The following TTN variants were observed in gnomAD, a reference collection of about 807,000 sequenced individuals.
The protein encoded by TTN is connectin.
A neutral mutation model predicts 3,223.0 loss-of-function variants in TTN; 1,525 were observed. The ratio of observed to expected loss-of-function variants is 0.47; its 90% confidence interval spans 0.45 to 0.49. The LOEUF (loss-of-function observed/expected upper bound fraction) is 0.49, where lower values mean the gene tolerates loss of function less well. TTN is among the 20% of genes least tolerant of loss of function. The probability of loss-of-function intolerance (pLI) is 0.00; values close to 1 mark genes in which losing one functional copy is unlikely to be tolerated. For missense variants in TTN, 40,786 were observed against 43,424.0 expected, an observed-to-expected ratio of 0.94 and a Z score of 5.40; for synonymous variants, 14,094 against 15,161.0, an observed-to-expected ratio of 0.93 and a Z score of 5.17.
At chr2:178,639,225 T>C (rs181790635) in intron 223 of TTN, among the ~76,000 whole-genome samples, 50 of 152,164 alleles carry the variant, frequency 3.3e-4, no homozygotes, top group Admixed American at 2.4e-3. Context: ...TCAATTCAGT[T>C]GCATGAAATA....
chr2:178,750,477 C>T (rs571048846), intron 47 of TTN: 1 of 1,612,894 alleles, frequency 6.2e-7, no homozygotes. Context: ...TACCACGTCA[C>T]TATAGGTTGA....
rs780085042 is a variant in TTN, at chr2:178,772,726, A to G, written c.7855+383T>C. Among the ~76,000 whole-genome samples the G allele has an allele frequency of 1.3e-5, 2 of 152,226 alleles. 1 individual carries two copies. The highest frequency in any genetic ancestry group is 2.9e-5 in the Non-Finnish European group (2 of 68,038). Reference sequence around the variant, plus strand: ...ATTGATTATCTGTCATTTGCAATATATTGGAATATACAAATAGAATTCCAG... The same window carrying G: ...ATTGATTATCTGTCATTTGCAATATGTTGGAATATACAAATAGAATTCCAG... On this transcript the variant is annotated intron_variant, in intron 33 of 362. Coordinates refer to ENST00000589042, the MANE Select transcript of TTN (RefSeq NM_001267550.2).
Position 178,531,620 on chromosome 2 carries a change from G to A in TTN, c.104995C>T (p.Leu34999=), listed in dbSNP as rs727503532. ...HYTNTSGVLT[L]EILDCHTDDS... ...TCAGTATGACAGTCCAGAATTTCCA[G>A]GGTGAGGACTCCACTCGTGTTGGTG... Residue 34999 remains leucine (L), a synonymous_variant, in exon 358 of 363, where the codon CTG becomes TTG. Transcript: ENST00000589042. 2.0e-5 allele frequency: 32 copies of A among 1,613,870 alleles called. No homozygotes were observed. The highest frequency in any genetic ancestry group is 2.5e-5 in the Non-Finnish European group (29 of 1,179,890).
intron 296 of TTN, 24 bp downstream of exon 296, chr2:178,594,320 G>A (rs765612751): frequency 5.0e-6 from 8 of 1,589,736 alleles, no homozygotes; most frequent in Non-Finnish European, 6.8e-6. Flanking sequence ...AGTTTCAGAA[G>A]TATAAATTGT....
At position 178,602,016 on chromosome 2, in the gene TTN, T is replaced by C. The variant is rs756145817; in HGVS notation, c.55255A>G (p.Lys18419Glu). The C allele has an allele frequency of 1.2e-6, 2 of 1,612,870 alleles. No individual in the cohort carries two copies. The highest frequency in any genetic ancestry group is 1.3e-5 in the African/African-American group (1 of 74,980). ...KSSWEFDGKA[K>E]KAMKDGVHDI... ...TATTTTCCTACCTTCATTGCTTTCT[T>C]TGCCTTTCCATCAAATTCCCAAGAT... Residue 18419 changes from lysine (K) to glutamate (E), a missense_variant, in exon 284 of 363, where the codon AAG (lysine) becomes GAG (glutamate). Lys to Glu is a moderately conservative substitution (Grantham distance 56). Transcript: ENST00000589042.
In TTN at chr2:178,727,341, G is replaced by A. The variant is rs778363589; in HGVS notation, c.20024C>T (p.Ala6675Val). The A allele has an allele frequency of 6.2e-7, 1 of 1,603,538 alleles. No homozygotes were observed. The highest frequency in any genetic ancestry group is 1.7e-5 in the Admixed American group (1 of 58,650). ...EPPKFVKKLEASKIVKAGDSS... is the reference protein window; with the variant it reads ...EPPKFVKKLEVSKIVKAGDSS... ...GTCACCTGCTTTCACAATTTTGGAG[G>A]CTTCTAATTTCTTTACAAACTTTGG... Residue 6675 changes from alanine (A) to valine (V), a missense_variant, in exon 69 of 363, where the codon GCC becomes GTC. Physicochemically the swap from Ala to Val is moderately conservative, Grantham distance 64. Transcript: ENST00000589042.
At position 178,548,045 on chromosome 2, in the gene TTN, T is replaced by C. The variant is rs543223589; in HGVS notation, c.93581A>G (p.Tyr31194Cys). 33 of 1,613,888 alleles carry C rather than the reference T, an allele frequency of 2.0e-5. No homozygotes were observed. Among genetic ancestry groups the C allele is most frequent in the Admixed American group, 1.8e-4 (11 of 59,998 alleles). The change falls in exon 339 of 363, where the codon TAT becomes TGT. Residue 31194 changes from tyrosine to cysteine, a missense_variant. Tyr to Cys is a radical substitution (Grantham distance 194). Coordinates refer to ENST00000589042, the MANE Select transcript of TTN (RefSeq NM_001267550.2). This position sits in a 1 kb window ranked among gnomAD's most constrained non-coding sequence, Gnocchi z 4.3. ...FRVKAKNDAG[Y>C]SEPREAFSSV... ...AGAGAAGGCTTCTCTGGGTTCACTATAGCCAGCATCATTCTTGGCCTTCAC... is the reference window on the plus strand; with the variant it reads ...AGAGAAGGCTTCTCTGGGTTCACTACAGCCAGCATCATTCTTGGCCTTCAC...
chr2:178,726,943 A>T (rs1008954851), intron 69 of TTN, 147 bp downstream of exon 69: 2 of 810,042 alleles, frequency 2.5e-6, no homozygotes, highest in African/African-American at 3.5e-5. Context: ...GAAGGAAACC[A>T]TCTAAAAAGG....
In TTN at chr2:178,799,614, A is replaced by C; in HGVS notation, c.787T>G (p.Ser263Ala). The C allele has an allele frequency of 6.2e-7, 1 of 1,614,080 alleles. No homozygotes were observed. The highest frequency in any genetic ancestry group is 8.5e-7 in the Non-Finnish European group (1 of 1,180,006). The change falls in exon 6 of 363, where the codon TCA (serine) becomes GCA (alanine). Residue 263 changes from serine to alanine, a missense_variant. Ser to Ala is a moderately conservative substitution (Grantham distance 99, BLOSUM62 1). Transcript: ENST00000589042. ...TPPRIPPKPK[S>A]RSPTPPSIAA... The stretch of plus-strand genomic sequence containing the variant: ...ATAGACGGTGGTGTTGGGGATCTTG[A>C]CTTTGGCTTCGGAGGAATCCTGGGA...
chr2:178,612,290 G>C lies in TTN; in HGVS notation c.50235C>G (p.Ala16745=), dbSNP rs1271771040. The C allele has an allele frequency of 6.8e-6, 11 of 1,612,190 alleles. No homozygotes were observed. Among genetic ancestry groups the C allele is most frequent in the Non-Finnish European group, 9.3e-6 (11 of 1,179,100 alleles). The change falls in exon 266 of 363, where the codon GCC becomes GCG. Residue 16745 remains alanine (A), a synonymous_variant. Coordinates refer to ENST00000589042, the MANE Select transcript of TTN (RefSeq NM_001267550.2). ...GCAAGAGCATACTAAAGGTGTCTTT[G>C]GCCAGCACAGAGTCCTCAATTTCGG... ...DYTEIEDSVL[A]KDTFTTPGPP...
At chr2:178,614,383 T>G in intron 261 of TTN, 35 bp from the exon 262 acceptor site, 1 of 1,578,730 alleles carries the variant, frequency 6.3e-7, no homozygotes, top group South Asian at 1.2e-5. Context: ...AAAAAAAAAT[T>G]GTTCACCATT....
chr2:178,725,582 T>C lies in TTN; in HGVS notation c.20622A>G (p.Gln6874=), dbSNP rs777997972. Residue 6874 remains glutamine (Q), a synonymous_variant, in exon 71 of 363, where the codon CAA becomes CAG. Coordinates refer to ENST00000589042, the MANE Select transcript of TTN (RefSeq NM_001267550.2). The stretch of plus-strand genomic sequence containing the variant: ...TAGGCTGGGCGCCTTCTATGGATGC[T>C]TGTAATTCAGCAGGCTCTCCGGCTA... The part of the protein sequence containing the change: ...TVVAGEPAEL[Q]ASIEGAQPIF... 1.9e-6 allele frequency: 3 copies of C among 1,612,252 alleles called. No homozygotes were observed. The highest frequency in any genetic ancestry group is 2.7e-5 in the African/African-American group (2 of 74,814).
chr2:178,766,597 G>A lies in TTN; in HGVS notation c.9487C>T (p.Arg3163Cys), dbSNP rs140664731. The change falls in exon 41 of 363, where the codon CGT becomes TGT. Residue 3163 changes from arginine (R) to cysteine (C), a missense_variant. Coordinates refer to ENST00000589042, the MANE Select transcript of TTN (RefSeq NM_001267550.2). ...TTGACCTCAAATTCAACAACAGCAC[G>A]CTGTTTCTCAATGACCTGTTGATGG... ...KKEVQVIEKQ[R>C]AVVEFEVNED... The A allele has an allele frequency of 5.9e-5, 96 of 1,613,562 alleles. No individual in the cohort carries two copies. In the African/African-American group the frequency reaches 9.2e-4, roughly 15 times the overall value.
intron 168 of TTN, 55 bp downstream of exon 168, chr2:178,664,405 T>A: frequency 7.5e-7 from 1 of 1,327,610 alleles, no homozygotes; most frequent in Non-Finnish European, 1.1e-6. Flanking sequence ...AGAAAGGTGG[T>A]CCTTTCTATC....
At chr2:178,556,596 A>G (rs1701611769) in intron 330 of TTN, 3 of 507,196 alleles carry the variant, frequency 5.9e-6, no homozygotes, top group East Asian at 3.6e-5. Flanking sequence ...CATACAATCA[A>G]TCATAAAAGG....
Position 178,718,521 on chromosome 2 carries a change from A to C in TTN, c.24585T>G (p.Thr8195=). ...GSPIVLEATY[T]GTPPISVSWI... is the part of the protein sequence containing the mutation. Reference sequence around the variant, plus strand: ...AGCTCACTGAGATTGGAGGTGTGCCAGTGTATGTGGCCTCGAGAACTATGG... The same window carrying C: ...AGCTCACTGAGATTGGAGGTGTGCCCGTGTATGTGGCCTCGAGAACTATGG... The change falls in exon 85 of 363, where the codon ACT becomes ACG. Residue 8195 remains threonine, a synonymous_variant. Transcript: ENST00000589042. 1 of 1,613,772 alleles carries C rather than the reference A, an allele frequency of 6.2e-7. No homozygotes were observed. Among genetic ancestry groups the C allele is most frequent in the Non-Finnish European group, 8.5e-7 (1 of 1,179,750 alleles).
chr2:178,703,066 G>A (rs956548389), intron 106 of TTN, among the ~76,000 whole-genome samples: 1 of 152,090 alleles, frequency 6.6e-6, no homozygotes, highest in Admixed American at 6.5e-5. Flanking sequence ...TGCTATTCAG[G>A]ATCTATAATT....
At position 178,535,779 on chromosome 2, in the gene TTN, C is replaced by T. The variant is rs1439932596; in HGVS notation, c.100836G>A (p.Val33612=). The T allele has an allele frequency of 1.2e-6, 2 of 1,612,488 alleles. No homozygotes were observed. The highest frequency in any genetic ancestry group is 1.3e-5 in the African/African-American group (1 of 74,716). Residue 33612 remains valine (V), a synonymous_variant, in exon 358 of 363, where the codon GTG becomes GTA. Coordinates refer to ENST00000589042, the MANE Select transcript of TTN (RefSeq NM_001267550.2). ...CACTGAAAGGAATCTTGATGCTGAC[C>T]ACTTCACCTCGGAGAGCATGAACTG... ...MGAVHALRGE[V]VSIKIPFSGK...
At position 178,749,514 on chromosome 2, in the gene TTN, G is replaced by C. The variant is rs144372815; in HGVS notation, c.11311+3610C>G. On this transcript the variant is annotated intron_variant, in intron 47 of 362. Coordinates refer to ENST00000589042, the MANE Select transcript of TTN (RefSeq NM_001267550.2). ...GAATATTCTTTTACATTTGTCCAGG[G>C]AGTAAAGGGACCAGCTGGATAATCA... The C allele has an allele frequency of 5.2e-5, 84 of 1,612,732 alleles. No homozygotes were observed. The highest frequency in any genetic ancestry group is 8.4e-5 in the Admixed American group (5 of 59,818).
Sources: allele counts gnomAD v4.1 joint callset (sites outside exome capture counted in the v4.1 genomes callset), GRCh38; gene constraint gnomAD v4.1.1; non-coding constraint Gnocchi (gnomAD v3.1); transcripts MANE v1.5; gene names NCBI Gene and HGNC (gene_info 2026-07-23, HGNC 2026-07-21).